ADA2: variants seen among roughly 807,000 people sequenced by gnomAD.
ADA2 encodes the protein adenosine deaminase CECR1.
ADA2 carries 29 observed loss-of-function variants against 44.2 expected under a neutral mutation model. That is an observed-to-expected ratio of 0.66 (90% CI 0.49 to 0.89). The LOEUF is 0.89. Ranked by LOEUF, ADA2 falls within the 40% of genes least tolerant of loss-of-function variation. The probability of loss-of-function intolerance (pLI) is 0.00; values close to 1 mark genes in which losing one functional copy is unlikely to be tolerated. For synonymous variants in ADA2, 215 were observed against 234.9 expected, an observed-to-expected ratio of 0.92 and a Z score of 0.77; for missense variants, 637 against 644.8, an observed-to-expected ratio of 0.99 and a Z score of 0.13.
intron 3 of ADA2, among the ~76,000 whole-genome samples, chr22:17,204,733 C>T (rs1352330752): frequency 2.0e-5 from 3 of 152,058 alleles, no homozygotes; most frequent in African/African-American, 7.2e-5. Context: ...GGAACCACCC[C>T]TGCCCTGGCA....
chr22:17,202,773 C>CTTTCTTTTT lies in ADA2; in HGVS notation c.753+789_753+790insAAAAAGAAA, dbSNP rs534249476. 1.5e-5 allele frequency among the ~76,000 whole-genome samples: 2 copies of CTTTCTTTTT among 132,656 alleles called. 1 individual carries two copies. The highest frequency in any genetic ancestry group is 5.4e-5 in the African/African-American group (2 of 36,982). 87.0% of individuals were successfully genotyped at this position (132,656 alleles called of 152,430 possible). A position where few individuals can be genotyped will look rare whatever the true frequency, so the allele number is the denominator to read the frequency against. ...TTTTTCTTTCTCTTTTCCTTTCTTT[C>CTTTCTTTTT]TTTTTTTTTTTGTGTGTGTGTGTTT... On this transcript the variant is annotated intron_variant, in intron 4 of 9. Coordinates refer to ENST00000399837, the MANE Select transcript of ADA2 (RefSeq NM_001282225.2).
intron 4 of ADA2, chr22:17,199,446 T>TCCCCTCCTCTATCCTCATCCCCA: frequency 1.1e-6 from 1 of 917,622 alleles, no homozygotes; most frequent in Non-Finnish European, 1.7e-6. Flanking sequence ...CCTCTTCCCC[T>TCCCCTCCTCTATCCTCATCCCCA]CCACCCACGA....
chr22:17,204,918 C>A (rs1352297173), intron 3 of ADA2, among the ~76,000 whole-genome samples: 1 of 152,030 alleles, frequency 6.6e-6, no homozygotes, highest in Non-Finnish European at 1.5e-5. Context: ...TGTCAGCCCC[C>A]TGGGGTAGCT....
At chr22:17,188,044 CA>C (rs1349913019) in intron 7 of ADA2, among the ~76,000 whole-genome samples, 1 of 147,212 alleles carries the variant, frequency 6.8e-6, no homozygotes, top group African/African-American at 2.5e-5. Flanking sequence ...GCCGAGGTTG[CA>C]GTGAGCTGGG....
intron 5 of ADA2, among the ~76,000 whole-genome samples, chr22:17,191,204 G>A (rs1489230895): frequency 6.6e-6 from 1 of 152,186 alleles, no homozygotes; most frequent in African/African-American, 2.4e-5. Context: ...TTTCACCCAC[G>A]TGCCAGGCCA....
At chr22:17,207,866 T>A (rs908136313) in intron 2 of ADA2, among the ~76,000 whole-genome samples, 1 of 152,146 alleles carries the variant, frequency 6.6e-6, no homozygotes, top group Non-Finnish European at 1.5e-5. Flanking sequence ...TTTCATCCCC[T>A]GCGCTGGGCC....
At chr22:17,200,591 G>T (rs1175328714) in intron 4 of ADA2, among the ~76,000 whole-genome samples, 1 of 152,082 alleles carries the variant, frequency 6.6e-6, no homozygotes, top group African/African-American at 2.4e-5. Flanking sequence ...CTCACCAAGG[G>T]TATTAACATA....
intron 4 of ADA2, chr22:17,199,738 A>AC: frequency 6.7e-7 from 1 of 1,487,586 alleles, no homozygotes; most frequent in South Asian, 1.3e-5. Context: ...TACCTATTTG[A>AC]CCTTCATCAA....
At chr22:17,196,323 C>CAAA (rs34561761) in intron 4 of ADA2, among the ~76,000 whole-genome samples, 1 of 86,880 alleles carries the variant, frequency 1.2e-5, no homozygotes, top group Non-Finnish European at 2.2e-5. Flanking sequence ...AACTCCATCC[C>CAAA]AAAAAAAAAA....
At chr22:17,203,527 G>T (rs1156310118) in intron 4 of ADA2, 36 bp downstream of exon 4, 1 of 1,537,474 alleles carries the variant, frequency 6.5e-7, no homozygotes, top group Non-Finnish European at 9.0e-7. Flanking sequence ...CCAGAGCAAA[G>T]GAGGTGGGAG....
intron 7 of ADA2, among the ~76,000 whole-genome samples, chr22:17,186,992 T>C (rs1328408759): frequency 6.6e-6 from 1 of 151,376 alleles, no homozygotes; most frequent in Non-Finnish European, 1.5e-5. Context: ...CAGTGAAACC[T>C]CGTCTCTACT....
intron 4 of ADA2, among the ~76,000 whole-genome samples, chr22:17,202,826 C>T (rs1312779865): frequency 6.6e-6 from 1 of 150,880 alleles, no homozygotes; most frequent in Non-Finnish European, 1.5e-5. Flanking sequence ...CTCTGTCACC[C>T]AGGCTGGAGT....
At chr22:17,183,719 C>T (rs929395852) in intron 7 of ADA2, among the ~76,000 whole-genome samples, 2 of 151,978 alleles carry the variant, frequency 1.3e-5, no homozygotes, top group African/African-American at 4.8e-5. Context: ...GCCTAGGCCT[C>T]CCAAAGTGCT....
chr22:17,183,454 CTCTTT>C (rs2061996544), intron 7 of ADA2, among the ~76,000 whole-genome samples: 2 of 76,138 alleles, frequency 2.6e-5, no homozygotes, highest in Admixed American at 1.2e-4. Flanking sequence ...TTTTGTGGCA[CTCTTT>C]TTTTTTTTTT....
At chr22:17,196,122 G>A (rs2062187659) in intron 4 of ADA2, among the ~76,000 whole-genome samples, 1 of 151,880 alleles carries the variant, frequency 6.6e-6, no homozygotes, top group Non-Finnish European at 1.5e-5. Flanking sequence ...CAAGGCGAGT[G>A]GATCACCTGA....
intron 4 of ADA2, among the ~76,000 whole-genome samples, 166 bp from the exon 5 acceptor site, chr22:17,191,976 C>T (rs1338745041): frequency 8.6e-5 from 13 of 151,004 alleles, no homozygotes; most frequent in Non-Finnish European, 1.9e-4. Flanking sequence ...TGCCCAGCCA[C>T]CCTTGCCCAG....
chr22:17,201,756 C>T (rs1193353309), intron 4 of ADA2, among the ~76,000 whole-genome samples: 1 of 152,118 alleles, frequency 6.6e-6, no homozygotes, highest in Non-Finnish European at 1.5e-5. Context: ...GGGCTGCTCT[C>T]CTCGAAAGAT....
chr22:17,187,481 A>G (rs1168126414), intron 7 of ADA2, among the ~76,000 whole-genome samples: 1 of 151,824 alleles, frequency 6.6e-6, no homozygotes, highest in Non-Finnish European at 1.5e-5. Flanking sequence ...GTAGAGACAA[A>G]GTTTTGCCAT....
At chr22:17,208,579 G>T (rs956997075) in intron 2 of ADA2, among the ~76,000 whole-genome samples, 3 of 151,874 alleles carry the variant, frequency 2.0e-5, no homozygotes, top group African/African-American at 7.3e-5. Flanking sequence ...GAGGAGTGTG[G>T]ATTGCCTGAG....
Sources: gnomAD v4.1 joint callset for allele counts (sites outside exome capture counted in the v4.1 genomes callset) on GRCh38, gnomAD v4.1.1 for gene constraint, MANE v1.5 for transcripts, NCBI Gene and HGNC (gene_info 2026-07-23, HGNC 2026-07-21) for gene names.